The following ZNF595 variants were observed in gnomAD, a reference collection of about 807,000 sequenced individuals.
The protein encoded by ZNF595 is zinc finger protein 595.
A neutral mutation model predicts 19.4 loss-of-function variants in ZNF595; 9 were observed. The observed-to-expected ratio is 0.46, with a 90% confidence interval of 0.28 to 0.81. The LOEUF (loss-of-function observed/expected upper bound fraction) is 0.81, where lower values mean the gene tolerates loss of function less well. ZNF595 is among the 30% of genes least tolerant of loss of function. ZNF595 has a pLI of 0.11. For missense variants in ZNF595, 729 were observed against 736.0 expected, an observed-to-expected ratio of 0.99 and a Z score of 0.11; for synonymous variants, 255 against 255.9, an observed-to-expected ratio of 1.00 and a Z score of 0.03.
At chr4:85,625 T>C (rs1421605779) in intron 3 of ZNF595, 106 bp from the exon 4 acceptor site, 4 of 1,296,172 alleles carry the variant, frequency 3.1e-6, no homozygotes, top group Admixed American at 2.6e-5. Context: ...TATTTTGTTA[T>C]GCTATCTTAC....
rs369831140 is a variant in ZNF595, at chr4:87,331, A to G, written c.1827A>G (p.Lys609=). Residue 609 remains lysine, a synonymous_variant, in exon 4 of 4, where the codon AAA becomes AAG. Coordinates refer to ENST00000610261, the MANE Select transcript of ZNF595 (RefSeq NM_182524.4). Reference sequence around the variant, plus strand: ...TCAATTGGTCCTCATCCCTTACTAAACATAAGATAATTCATACTGGAGAGA... The same window carrying G: ...TCAATTGGTCCTCATCCCTTACTAAGCATAAGATAATTCATACTGGAGAGA... ...KAFNWSSSLT[K]HKIIHTGEKS... The G allele has an allele frequency of 2.4e-5, 39 of 1,613,524 alleles. No homozygotes were observed. The highest frequency in any genetic ancestry group is 3.3e-5 in the Non-Finnish European group (39 of 1,179,792).
chr4:67,311 TG>T (rs142015150), intron 3 of ZNF595, among the ~76,000 whole-genome samples: 1 of 148,274 alleles, frequency 6.7e-6, no homozygotes, highest in Non-Finnish European at 1.5e-5. Context: ...AAAAAAAGGG[TG>T]GGGGGGTTGT....
At chr4:76,238 A>G (rs28452624) in intron 3 of ZNF595, among the ~76,000 whole-genome samples, 2,245 of 152,084 alleles carry the variant, frequency 0.015, 56 homozygotes, top group African/African-American at 0.051. Context: ...ATTTTATTTT[A>G]TGTATTTATT....
intron 1 of ZNF595, among the ~76,000 whole-genome samples, chr4:55,083 T>A (rs1712569320): frequency 1.3e-5 from 2 of 151,700 alleles, no homozygotes; most frequent in Admixed American, 6.6e-5. Flanking sequence ...AGAGACGGGG[T>A]TTCACCGTGT....
At chr4:75,123 G>T (rs1713594682) in intron 3 of ZNF595, among the ~76,000 whole-genome samples, 1 of 151,160 alleles carries the variant, frequency 6.6e-6, no homozygotes. Flanking sequence ...TTTCATCCTT[G>T]GACTATTAAC....
At chr4:81,380 G>A (rs1354297244) in intron 3 of ZNF595, among the ~76,000 whole-genome samples, 2 of 152,060 alleles carry the variant, frequency 1.3e-5, no homozygotes, top group Non-Finnish European at 2.9e-5. Flanking sequence ...GTATACAATG[G>A]TGATTTTACC....
At chr4:55,124 G>A (rs1581309952) in intron 1 of ZNF595, among the ~76,000 whole-genome samples, 1 of 151,928 alleles carries the variant, frequency 6.6e-6, no homozygotes, top group African/African-American at 2.4e-5. Context: ...TCCTGACCTT[G>A]AGCCCTCCCG....
Position 87,080 on chromosome 4 carries a change from C to A in ZNF595, c.1576C>A (p.His526Asn). The part of the protein sequence containing the change: ...AFNQSSGLII[H>N]RSIHSEQKLY... ...TAACCAATCCTCAGGCCTTATTATA[C>A]ACAGGAGCATTCATTCTGAACAAAA... Residue 526 changes from histidine (H) to asparagine (N), a missense_variant, in exon 4 of 4, where the codon CAC becomes AAC. Physicochemically the swap from His to Asn is moderately conservative, Grantham distance 68. Transcript: ENST00000610261. 1 of 1,613,922 alleles carries A rather than the reference C, an allele frequency of 6.2e-7. No individual in the cohort carries two copies. Among genetic ancestry groups the A allele is most frequent in the Non-Finnish European group, 8.5e-7 (1 of 1,179,942 alleles).
intron 3 of ZNF595, among the ~76,000 whole-genome samples, chr4:74,144 C>G (rs782807123): frequency 6.6e-6 from 1 of 151,498 alleles, no homozygotes; most frequent in African/African-American, 2.4e-5. Context: ...CTTATGTCTA[C>G]CAAAAATAAA....
At chr4:61,195 C>G (rs1712846371) in intron 3 of ZNF595, among the ~76,000 whole-genome samples, 1 of 152,256 alleles carries the variant, frequency 6.6e-6, no homozygotes, top group Non-Finnish European at 1.5e-5. Flanking sequence ...GCTCTGTCAC[C>G]AAGGCTGGAG....
At chr4:81,882 A>G (rs966963902) in intron 3 of ZNF595, among the ~76,000 whole-genome samples, 1 of 152,162 alleles carries the variant, frequency 6.6e-6, no homozygotes, top group Non-Finnish European at 1.5e-5. Flanking sequence ...AAGGTGGAGT[A>G]ATATTTTAAT....
At chr4:82,562 T>G (rs1443855638) in intron 3 of ZNF595, among the ~76,000 whole-genome samples, 1 of 151,814 alleles carries the variant, frequency 6.6e-6, no homozygotes, top group Non-Finnish European at 1.5e-5. Flanking sequence ...TTTTGTAATT[T>G]TGGTAGAGAT....
rs1553801781 is a variant in ZNF595, at chr4:86,812, C to T, written c.1308C>T (p.Ser436=). ...AATGTGGCAAAGCTTTTAACCAATC[C>T]TCAACTCTTATATTACACAAGAGAA... ...CEECGKAFNQ[S]STLILHKRIH... is the part of the protein sequence containing the mutation. Residue 436 remains serine, a synonymous_variant, in exon 4 of 4, where the codon TCC becomes TCT. Coordinates refer to ENST00000610261, the MANE Select transcript of ZNF595 (RefSeq NM_182524.4). The T allele has an allele frequency of 1.9e-6, 3 of 1,613,660 alleles. No homozygotes were observed. Among genetic ancestry groups the T allele is most frequent in the East Asian group, 2.2e-5 (1 of 44,844 alleles).
chr4:72,745 T>C (rs1244783806), intron 3 of ZNF595, among the ~76,000 whole-genome samples: 1 of 152,256 alleles, frequency 6.6e-6, no homozygotes, highest in East Asian at 1.9e-4. Flanking sequence ...ACATAAGTGC[T>C]GAGTTTGAGG....
intron 3 of ZNF595, among the ~76,000 whole-genome samples, chr4:68,729 G>T (rs1439630759): frequency 6.6e-6 from 1 of 152,184 alleles, no homozygotes; most frequent in East Asian, 1.9e-4. Flanking sequence ...GTTATTCATT[G>T]CCTCAACTAT....
In ZNF595 at chr4:86,620, A is replaced by G. The variant is rs184723585; in HGVS notation, c.1116A>G (p.Glu372=). Residue 372 remains glutamate, a synonymous_variant, in exon 4 of 4, where the codon GAA becomes GAG. Coordinates refer to ENST00000610261, the MANE Select transcript of ZNF595 (RefSeq NM_182524.4). ...AACAAAAACTTTACAAATGTGAAGA[A>G]TGTGGCAAAGCCTTTACTTGGTCCT... The part of the protein sequence containing the change: ...HSEQKLYKCE[E]CGKAFTWSSS... 4.6e-4 allele frequency: 750 copies of G among 1,613,712 alleles called. 5 individuals carry two copies. The highest frequency in any genetic ancestry group is 4.0e-3 in the Middle Eastern group (24 of 6,054).
Position 53,380 on chromosome 4 carries a change from TC to T in ZNF595, c.-107del. The T allele has an allele frequency of 6.5e-7, 1 of 1,527,948 alleles. No individual in the cohort carries two copies. Among genetic ancestry groups the T allele is most frequent in the South Asian group, 1.3e-5 (1 of 77,684 alleles). The allele number at this position is 1,527,948 out of a possible 1,614,324, so 94.6% of individuals were successfully genotyped here. ...GGCTTCAGCTCTCTGCGTTCTCGGC[TC>T]CGGGAGGCCTCGGTGATTCAGCCAC... On this transcript the variant is annotated 5_prime_UTR_variant, in exon 1 of 4. Transcript: ENST00000610261.
Position 86,681 on chromosome 4 carries a change from G to T in ZNF595, c.1177G>T (p.Glu393Ter). 1 of 1,613,530 alleles carries T rather than the reference G, an allele frequency of 6.2e-7. No individual in the cohort carries two copies. Among genetic ancestry groups the T allele is most frequent in the African/African-American group, 1.3e-5 (1 of 74,898 alleles). Reference protein sequence around the residue: ...LNKHKRIHTGEKPYTCEECGK... With the variant: ...LNKHKRIHTG ...TAAACATAAGAGAATTCATACTGGA[G>T]AGAAACCCTACACATGTGAAGAATG... The change falls in exon 4 of 4, where the codon GAG becomes TAG. Residue 393 changes from glutamate to a stop codon, truncating the protein, a stop_gained. Transcript: ENST00000610261. LOFTEE classifies it high-confidence loss of function.
At chr4:79,096 A>G (rs1427523342) in intron 3 of ZNF595, among the ~76,000 whole-genome samples, 1 of 152,230 alleles carries the variant, frequency 6.6e-6, no homozygotes, top group Admixed American at 6.5e-5. Context: ...TTAATACCTT[A>G]TAAACAATAA....
Sources: gnomAD v4.1 joint callset for allele counts (sites outside exome capture counted in the v4.1 genomes callset) on GRCh38, gnomAD v4.1.1 for gene constraint, MANE v1.5 for transcripts, NCBI Gene and HGNC (gene_info 2026-07-23, HGNC 2026-07-21) for gene names.